Variants in ARVCF observed in about 807,000 individuals in gnomAD.
ARVCF encodes the protein ARVCF delta catenin family member.
A neutral mutation model predicts 90.9 loss-of-function variants in ARVCF; 66 were observed. The ratio of observed to expected loss-of-function variants is 0.73; its 90% CI spans 0.60 to 0.89. ARVCF has a LOEUF of 0.89. Among genes scored for constraint, ARVCF ranks in the 40% least tolerant of loss-of-function variants. The pLI is 0.00. For synonymous variants in ARVCF, 653 were observed against 603.4 expected, an observed-to-expected ratio of 1.08 and a Z score of -1.21; for missense variants, 1,469 against 1,382.3, an observed-to-expected ratio of 1.06 and a Z score of -1.00.
intron 7 of ARVCF, 36 bp from the exon 8 acceptor site, chr22:19,978,111 T>C (rs758568359): frequency 6.4e-7 from 1 of 1,550,682 alleles, no homozygotes; most frequent in East Asian, 2.3e-5. Flanking sequence ...GACCCCTGGC[T>C]ACCAGAAACT....
At chr22:19,984,668 T>C (rs150034470) in intron 3 of ARVCF, among the ~76,000 whole-genome samples, 26 of 152,312 alleles carry the variant, frequency 1.7e-4, no homozygotes, top group African/African-American at 6.3e-4. Flanking sequence ...CATCAACCCG[T>C]GTGCTCTAAC....
intron 1 of ARVCF, among the ~76,000 whole-genome samples, chr22:20,013,554 G>C (rs1944914062): frequency 6.6e-6 from 1 of 152,262 alleles, no homozygotes; most frequent in Non-Finnish European, 1.5e-5. Flanking sequence ...GCAGGAAGCT[G>C]GGTGGAGCCG....
At position 19,975,496 on chromosome 22, in the gene ARVCF, C is replaced by G. The variant is rs151105704; in HGVS notation, c.1960+190G>C. 1.1e-4 allele frequency among the ~76,000 whole-genome samples: 16 copies of G among 152,342 alleles called. No homozygotes were observed. In the East Asian group the frequency reaches 3.1e-3, roughly 29 times the overall value. ...CCTGACATGACCCATGGCACTTCCT[C>G]CCATTCTAAACCCTCAGCAGGTGTC... On this transcript the variant is annotated intron_variant, in intron 11 of 19. Coordinates refer to ENST00000263207, the MANE Select transcript of ARVCF (RefSeq NM_001670.3).
Position 19,977,520 on chromosome 22 carries a change from C to T in ARVCF, c.1765G>A (p.Ala589Thr), listed in dbSNP as rs760370657. 4 of 1,597,366 alleles carry T rather than the reference C, an allele frequency of 2.5e-6. No individual in the cohort carries two copies. The highest frequency in any genetic ancestry group is 1.7e-5 in the Admixed American group (1 of 57,908). The change falls in exon 9 of 20, where the codon GCC (alanine) becomes ACC (threonine). Residue 589 changes from alanine (A) to threonine (T), a missense_variant. Coordinates refer to ENST00000263207, the MANE Select transcript of ARVCF (RefSeq NM_001670.3). ...SYHVHKEVPG[A>T]DRYQEAEPGP... ...GGCTCGGCCTCCTGGTACCTGTCGG[C>T]CCCGGGCACCTCCTTGTGCACGTGG...
chr22:19,991,503 G>C (rs1471861154), intron 2 of ARVCF, among the ~76,000 whole-genome samples: 2 of 152,276 alleles, frequency 1.3e-5, no homozygotes, highest in East Asian at 3.8e-4. Context: ...GGCTGGGACT[G>C]CATGAAGTTA....
chr22:19,981,157 G>A, intron 5 of ARVCF, 54 bp downstream of exon 5: 1 of 1,464,118 alleles, frequency 6.8e-7, no homozygotes, highest in Non-Finnish European at 9.1e-7. Context: ...TAGTTGGGGG[G>A]TGGAGGGCAG....
chr22:20,004,644 C>G (rs570752622), intron 2 of ARVCF, among the ~76,000 whole-genome samples: 1 of 152,146 alleles, frequency 6.6e-6, no homozygotes, highest in Non-Finnish European at 1.5e-5. Flanking sequence ...GATTTCAAAA[C>G]TTACTACAAA....
At position 19,973,774 on chromosome 22, in the gene ARVCF, G is replaced by T; in HGVS notation, c.2108C>A (p.Ala703Asp). ...CAGCCCGCGCTCTTTGCGCACTGTG[G>T]CGCGGATGTACGTGGCCCACTGCGG... The part of the protein sequence containing the change: ...GNWMWATYIR[A>D]TVRKERGLPV... Residue 703 changes from alanine to aspartate, a missense_variant, in exon 13 of 20, where the codon GCC becomes GAC. Ala to Asp is a moderately radical substitution (Grantham distance 126). Transcript: ENST00000263207. The T allele has an allele frequency of 1.2e-6, 2 of 1,606,658 alleles. No homozygotes were observed. Among genetic ancestry groups the T allele is most frequent in the Non-Finnish European group, 1.7e-6 (2 of 1,179,650 alleles).
chr22:19,980,899 G>A (rs1943453971), intron 5 of ARVCF: 1 of 357,438 alleles, frequency 2.8e-6, no homozygotes, highest in African/African-American at 2.1e-5. Flanking sequence ...AGGGCAATGG[G>A]GACAGAACCA....
chr22:19,975,781 G>T (rs971647912), intron 10 of ARVCF, 24 bp from the exon 11 acceptor site: 2 of 1,612,152 alleles, frequency 1.2e-6, no homozygotes, highest in South Asian at 2.2e-5. Flanking sequence ...GTGGTGGGAG[G>T]TGAGGCAGAC....
intron 2 of ARVCF, among the ~76,000 whole-genome samples, chr22:19,991,074 G>T (rs1243629847): frequency 6.6e-6 from 1 of 152,260 alleles, no homozygotes; most frequent in Non-Finnish European, 1.5e-5. Context: ...AGAAACATGG[G>T]CCGTGGGCGG....
At chr22:20,013,885 T>G (rs1338385069) in intron 1 of ARVCF, among the ~76,000 whole-genome samples, 2 of 152,184 alleles carry the variant, frequency 1.3e-5, no homozygotes, top group African/African-American at 4.8e-5. Context: ...TTTTTTTTCT[T>G]TTTTTGAGAC....
At chr22:20,005,809 A>C (rs1030206048) in intron 2 of ARVCF, among the ~76,000 whole-genome samples, 6 of 152,148 alleles carry the variant, frequency 3.9e-5, no homozygotes, top group African/African-American at 1.2e-4. Flanking sequence ...AAAAAAAAAA[A>C]AAGAATTGAA....
chr22:19,985,435 C>T (rs1410702566), intron 3 of ARVCF, among the ~76,000 whole-genome samples: 3 of 152,214 alleles, frequency 2.0e-5, no homozygotes, highest in Admixed American at 2.0e-4. Flanking sequence ...TACCCCTGCT[C>T]ACAAGAGGGT....
rs192376024 is a variant in ARVCF at position 20,008,243 on chromosome 22, C to T, written c.-19+2212G>A. ...GGCCGCAGGAGACGAAGCCGCAACCCCCTGCAGGCACACGGCGGCTGATGG... is the reference window on the plus strand; with the variant it reads ...GGCCGCAGGAGACGAAGCCGCAACCTCCTGCAGGCACACGGCGGCTGATGG... On this transcript the variant is annotated intron_variant, in intron 2 of 19. Coordinates refer to ENST00000263207, the MANE Select transcript of ARVCF (RefSeq NM_001670.3). Among the ~76,000 whole-genome samples the T allele has an allele frequency of 5.2e-3, 786 of 152,316 alleles. 4 individuals carry two copies. The highest frequency in any genetic ancestry group is 0.018 in the African/African-American group (753 of 41,566).
In ARVCF at chr22:19,977,543, T is replaced by C. The variant is rs1943227827; in HGVS notation, c.1742A>G (p.His581Arg). 2 of 1,588,268 alleles carry C rather than the reference T, an allele frequency of 1.3e-6. No homozygotes were observed. Among genetic ancestry groups the C allele is most frequent in the Non-Finnish European group, 1.7e-6 (2 of 1,166,814 alleles). The change falls in exon 9 of 20, where the codon CAC becomes CGC. Residue 581 changes from histidine (H) to arginine (R), a missense_variant. Transcript: ENST00000263207. Reference protein sequence around the residue: ...CVCIMRNLSYHVHKEVPGADR... With the variant: ...CVCIMRNLSYRVHKEVPGADR... Reference sequence around the variant, plus strand: ...GGCCCCGGGCACCTCCTTGTGCACGTGGTAGGACAGGTTCCGCATGATGCA... The same window carrying C: ...GGCCCCGGGCACCTCCTTGTGCACGCGGTAGGACAGGTTCCGCATGATGCA...
rs557595858 is a variant in ARVCF, at chr22:19,971,979, T to C, written c.2696-8A>G. The C allele has an allele frequency of 3.1e-6, 5 of 1,601,834 alleles. No homozygotes were observed. The highest frequency in any genetic ancestry group is 4.3e-6 in the Non-Finnish European group (5 of 1,173,890). ...CCACCGTGGAGTATCCGTCTGTAGA[T>C]GGGGTAAGGTGGGGCATGAGGGGCG... On this transcript the variant is annotated splice_region_variant and splice_polypyrimidine_tract_variant and intron_variant, in intron 17 of 19. Transcript: ENST00000263207.
Position 19,996,796 on chromosome 22 carries a change from G to C in ARVCF, c.-18-5984C>G, listed in dbSNP as rs890939866. On this transcript the variant is annotated intron_variant, in intron 2 of 19. Coordinates refer to ENST00000263207, the MANE Select transcript of ARVCF (RefSeq NM_001670.3). Reference sequence around the variant, plus strand: ...CAGGGACCAATCTCCCCAGGGGCCAGGGCGGTGCCCACTGTCAGAGAGCCA... The same window carrying C: ...CAGGGACCAATCTCCCCAGGGGCCACGGCGGTGCCCACTGTCAGAGAGCCA... Among the ~76,000 whole-genome samples the C allele has an allele frequency of 2.0e-5, 3 of 152,196 alleles. No homozygotes were observed. The East Asian group carries it at 5.8e-4, about 29-fold the overall frequency.
At chr22:20,005,232 T>G (rs1944578344) in intron 2 of ARVCF, among the ~76,000 whole-genome samples, 1 of 151,200 alleles carries the variant, frequency 6.6e-6, no homozygotes, top group Non-Finnish European at 1.5e-5. Flanking sequence ...ATGAGTGGAG[T>G]TGAACTGACA....
Sources: gnomAD v4.1 joint callset for allele counts (sites outside exome capture counted in the v4.1 genomes callset) on GRCh38, gnomAD v4.1.1 for gene constraint, MANE v1.5 for transcripts, NCBI Gene and HGNC (gene_info 2026-07-23, HGNC 2026-07-21) for gene names.